The following ANP32E variants were observed in gnomAD, a reference collection of about 807,000 sequenced individuals.
ANP32E encodes acidic leucine-rich nuclear phosphoprotein 32 family member E.
Under a neutral mutation model 35.3 loss-of-function variants are expected in ANP32E, and 14 were observed. The ratio of observed to expected loss-of-function variants is 0.40; its 90% CI spans 0.26 to 0.62. The LOEUF is 0.62. Ranked by LOEUF, ANP32E falls within the 20% of genes least tolerant of loss-of-function variation. The pLI is 0.45. For missense variants in ANP32E, 198 were observed against 304.4 expected, an observed-to-expected ratio of 0.65 and a Z score of 2.60; for synonymous variants, 89 against 110.4, an observed-to-expected ratio of 0.81 and a Z score of 1.22.
intron 5 of ANP32E, among the ~76,000 whole-genome samples, chr1:150,226,262 C>A (rs1285841896): frequency 1.3e-5 from 2 of 152,152 alleles, no homozygotes; most frequent in African/African-American, 4.8e-5. Context: ...TTGCCTCAGC[C>A]TCCAAAAGTA....
chr1:150,220,811 G>A (rs781953105), intron 6 of ANP32E, 50 bp from the exon 7 acceptor site: 5 of 1,507,162 alleles, frequency 3.3e-6, no homozygotes, highest in Non-Finnish European at 4.6e-6. Flanking sequence ...AACAAATGAG[G>A]ATTGGTTACA....
chr1:150,236,077 C>A lies in ANP32E; in HGVS notation c.-291G>T. On this transcript the variant is annotated 5_prime_UTR_variant, in exon 1 of 7. Transcript: ENST00000583931. ...ACACACACACATACACACACACACC[C>A]GCAGTTCCTTCCCCTTCAATGGCTG... 1 of 343,586 alleles carries A rather than the reference C, an allele frequency of 2.9e-6. No homozygotes were observed. The highest frequency in any genetic ancestry group is 5.4e-6 in the Non-Finnish European group (1 of 185,478). 21.3% of individuals were successfully genotyped at this position (343,586 alleles called of 1,614,324 possible). A position where few individuals can be genotyped will look rare whatever the true frequency, so the allele number is the denominator to read the frequency against.
At chr1:150,232,489 T>TTTAG (rs1477799667) in intron 1 of ANP32E, among the ~76,000 whole-genome samples, 4 of 125,298 alleles carry the variant, frequency 3.2e-5, no homozygotes, top group Admixed American at 8.3e-5. Flanking sequence ...TTTTTTTTTG[T>TTTAG]AGATGGAGTC....
intron 5 of ANP32E, among the ~76,000 whole-genome samples, chr1:150,223,589 G>A (rs1289077212): frequency 2.1e-5 from 3 of 146,246 alleles, no homozygotes; most frequent in Admixed American, 1.4e-4. Flanking sequence ...GCTGACGCAG[G>A]AGAATCGCAA....
chr1:150,218,422 A>G lies in ANP32E; in HGVS notation c.*2269T>C, dbSNP rs1648090112. On this transcript the variant is annotated 3_prime_UTR_variant, in exon 7 of 7. Coordinates refer to ENST00000583931, the MANE Select transcript of ANP32E (RefSeq NM_030920.5). ...TGAATGCTATACACTGAAACTAATC[A>G]TTATAACAAATCTTCAATTTATTTG... The G allele has an allele frequency of 6.6e-6, 1 of 152,462 alleles. No homozygotes were observed. The highest frequency in any genetic ancestry group is 1.5e-5 in the Non-Finnish European group (1 of 68,050). 9.4% of individuals were successfully genotyped at this position (152,462 alleles called of 1,614,324 possible). A position where few individuals can be genotyped will look rare whatever the true frequency, so the allele number is the denominator to read the frequency against.
chr1:150,223,340 T>C, intron 5 of ANP32E, 100 bp from the exon 6 acceptor site: 7 of 1,445,272 alleles, frequency 4.8e-6, no homozygotes, highest in Non-Finnish European at 6.6e-6. Context: ...CTATGGTTAT[T>C]CTGTGTTTTG....
intron 2 of ANP32E, among the ~76,000 whole-genome samples, chr1:150,231,427 T>A (rs1018701585): frequency 6.6e-6 from 1 of 152,020 alleles, no homozygotes; most frequent in African/African-American, 2.4e-5. Context: ...AAACCCTATC[T>A]CTGCAAAAAA....
At chr1:150,228,427 C>T (rs1029614864) in intron 4 of ANP32E, among the ~76,000 whole-genome samples, 2 of 152,154 alleles carry the variant, frequency 1.3e-5, no homozygotes, top group African/African-American at 4.8e-5. Flanking sequence ...CGTGGTGGCT[C>T]ACGCTGGTAA....
rs1649139129 is a variant in ANP32E at position 150,229,240 on chromosome 1, G to A, written c.328-3C>T. On this transcript the variant is annotated splice_region_variant and splice_polypyrimidine_tract_variant and intron_variant, in intron 3 of 6. Coordinates refer to ENST00000583931, the MANE Select transcript of ANP32E (RefSeq NM_030920.5). ...CTTTTCAAATTTTTAAGATTTTGCT[G>A]GAAAAGTAAAGTTAAAACTTACATT... 1.3e-6 allele frequency: 2 copies of A among 1,522,074 alleles called. No individual in the cohort carries two copies. Among genetic ancestry groups the A allele is most frequent in the South Asian group, 1.3e-5 (1 of 79,892 alleles). 94.3% of individuals were successfully genotyped at this position (1,522,074 alleles called of 1,614,324 possible). A position where few individuals can be genotyped will look rare whatever the true frequency, so the allele number is the denominator to read the frequency against.
chr1:150,230,620 A>G lies in ANP32E; in HGVS notation c.278T>C (p.Leu93Pro). 1 of 1,613,526 alleles carries G rather than the reference A, an allele frequency of 6.2e-7. No homozygotes were observed. The change falls in exon 3 of 7, where the codon CTC becomes CCC. Residue 93 changes from leucine (L) to proline (P), a missense_variant. By Grantham distance (98) the Leu-to-Pro change is moderately conservative (BLOSUM62 -3). Transcript: ENST00000583931. ...TTTTATTTTGTTTCCACTCAGATTGAGGTAGGTAAGATTTGGACATTTCTC... is the reference window on the plus strand; with the variant it reads ...TTTTATTTTGTTTCCACTCAGATTGGGGTAGGTAAGATTTGGACATTTCTC... ...LAEKCPNLTY[L>P]NLSGNKIKDL...
intron 6 of ANP32E, 132 bp from the exon 7 acceptor site, chr1:150,220,893 G>A (rs1648295115): frequency 4.3e-6 from 3 of 691,016 alleles, no homozygotes; most frequent in South Asian, 3.1e-5. Flanking sequence ...CCAGCACTTT[G>A]GGAGGCTGAG....
chr1:150,222,839 G>T (rs994563446), intron 6 of ANP32E, among the ~76,000 whole-genome samples: 1 of 151,794 alleles, frequency 6.6e-6, no homozygotes. Flanking sequence ...ATTATCTGGA[G>T]TTCAACTGCT....
chr1:150,222,435 T>TA lies in ANP32E; in HGVS notation c.736+750dup, dbSNP rs1257999614. Among the ~76,000 whole-genome samples, 1,216 of 133,670 alleles carry TA rather than the reference T, an allele frequency of 9.1e-3. 16 individuals are homozygous for TA. The highest frequency in any genetic ancestry group is 0.014 in the East Asian group (65 of 4,716). 87.7% of individuals were successfully genotyped at this position (133,670 alleles called of 152,430 possible). On this transcript the variant is annotated intron_variant, in intron 6 of 6. Transcript: ENST00000583931. ...CTCCATCTCAAAAAAAATAAATAAA[T>TA]AAATAAAATAAAATAAAATAAAATA... is the stretch of plus-strand genomic sequence containing the variant.
intron 6 of ANP32E, among the ~76,000 whole-genome samples, chr1:150,222,042 A>G (rs1197575561): frequency 2.0e-5 from 3 of 151,998 alleles, no homozygotes; most frequent in African/African-American, 7.3e-5. Context: ...GCAGTGACCT[A>G]TGATTGCCAC....
In ANP32E at chr1:150,231,875, C is replaced by T; in HGVS notation, c.106G>A (p.Gly36Ser). Residue 36 changes from glycine (G) to serine (S), a missense_variant, in exon 2 of 7, where the codon GGC (glycine) becomes AGC (serine). Coordinates refer to ENST00000583931, the MANE Select transcript of ANP32E (RefSeq NM_030920.5). The part of the protein sequence containing the change: ...NCLCVNGEIE[G>S]LNDTFKELEF... ...AGTTCTTTGAAAGTATCATTCAGGC[C>T]TTCAATTTCCCCATTGACACACAGG... 1 of 1,612,870 alleles carries T rather than the reference C, an allele frequency of 6.2e-7. No homozygotes were observed. Among genetic ancestry groups the T allele is most frequent in the Non-Finnish European group, 8.5e-7 (1 of 1,179,702 alleles).
Position 150,226,722 on chromosome 1 carries a change from C to T in ANP32E, c.567G>A (p.Glu189=), listed in dbSNP as rs1648909339. The change falls in exon 5 of 7, where the codon GAG becomes GAA. Residue 189 remains glutamate, a synonymous_variant. Coordinates refer to ENST00000583931, the MANE Select transcript of ANP32E (RefSeq NM_030920.5). ...CATCCTCATCCTCCTCTTCCTCTTC[C>T]TCCTCCTCTTCCTCATATCCTTCCG... ...GPPEGYEEEE[E]EEEEEDEDED... 2 of 1,584,464 alleles carry T rather than the reference C, an allele frequency of 1.3e-6. No individual in the cohort carries two copies. The highest frequency in any genetic ancestry group is 1.7e-5 in the Admixed American group (1 of 59,888).
In ANP32E at chr1:150,226,790, C is replaced by A; in HGVS notation, c.499G>T (p.Asp167Tyr). The A allele has an allele frequency of 6.2e-7, 1 of 1,601,424 alleles. No homozygotes were observed. Among genetic ancestry groups the A allele is most frequent in the African/African-American group, 1.3e-5 (1 of 74,470 alleles). Residue 167 changes from aspartate to tyrosine, a missense_variant, in exon 5 of 7, where the codon GAT becomes TAT. Asp to Tyr is a radical substitution (Grantham distance 160). This residue lies in a region of ANP32E where 121 missense variants were observed against 137.3 expected (regional missense o/e 0.88). Transcript: ENST00000583931. ...TCCTCTTCCTCTTCATCATCTTCAT[C>A]GCCATCTTTAAAAAATCATTTAAAG... ...DSEEEDDEDG[D>Y]EDDEEEEENE... is the part of the protein sequence containing the mutation.
Position 150,226,712 on chromosome 1 carries a change from C to A in ANP32E, c.577G>T (p.Glu193Ter). The change falls in exon 5 of 7, where the codon GAG (glutamate) becomes TAG (stop). Residue 193 changes from glutamate (E) to a stop codon, truncating the protein, a stop_gained. Coordinates refer to ENST00000583931, the MANE Select transcript of ANP32E (RefSeq NM_030920.5). LOFTEE classifies it high-confidence loss of function. The part of the protein sequence containing the change: ...GYEEEEEEEE[E>*]EDEDEDEDED... ...TCTTCATCCTCATCCTCATCCTCCT[C>A]TTCCTCTTCCTCCTCCTCTTCCTCA... 2 of 804,606 alleles carry A rather than the reference C, an allele frequency of 2.5e-6. No homozygotes were observed. The highest frequency in any genetic ancestry group is 3.3e-6 in the Non-Finnish European group (2 of 599,698). The allele number at this position is 804,606 out of a possible 1,614,324, so 49.8% of individuals were successfully genotyped here.
At chr1:150,228,719 T>C (rs891103403) in intron 4 of ANP32E, among the ~76,000 whole-genome samples, 3 of 151,498 alleles carry the variant, frequency 2.0e-5, no homozygotes, top group Non-Finnish European at 4.4e-5. Context: ...AAAAATTCCG[T>C]TCATCAGTTG....
Sources: allele counts gnomAD v4.1 joint callset (sites outside exome capture counted in the v4.1 genomes callset), GRCh38; gene constraint gnomAD v4.1.1; regional missense constraint gnomAD v4.1.1; transcripts MANE v1.5; gene names NCBI Gene and HGNC (gene_info 2026-07-23, HGNC 2026-07-21).